The following FXR1 variants were observed in gnomAD, a reference collection of about 807,000 sequenced individuals.
FXR1 encodes FMR1 autosomal homolog 1, also known as RNA-binding protein FXR1.
FXR1 carries 15 observed loss-of-function variants against 84.0 expected under a neutral mutation model. The ratio of observed to expected loss-of-function variants is 0.18; its 90% CI spans 0.12 to 0.27. The LOEUF (loss-of-function observed/expected upper bound fraction) is 0.27, where lower values mean the gene tolerates loss of function less well. Ranked by LOEUF, FXR1 falls within the 10% of genes least tolerant of loss-of-function variation. The pLI, the probability that FXR1 is intolerant of heterozygous loss-of-function variation, is 1.00. For missense variants in FXR1, 480 were observed against 774.4 expected, an observed-to-expected ratio of 0.62 and a Z score of 4.51; for synonymous variants, 245 against 250.7, an observed-to-expected ratio of 0.98 and a Z score of 0.21.
intron 15 of FXR1, chr3:180,971,058 A>G: frequency 8.9e-7 from 1 of 1,128,934 alleles, no homozygotes; most frequent in Non-Finnish European, 1.2e-6. Context: ...AGTTCATGGT[A>G]AACTTTGCAA....
chr3:180,961,384 C>A, intron 10 of FXR1, 84 bp from the exon 11 acceptor site: 1 of 428,746 alleles, frequency 2.3e-6, no homozygotes, highest in South Asian at 2.9e-5. Context: ...TGTGTGTGTG[C>A]CTGCCTGTCA....
intron 1 of FXR1, among the ~76,000 whole-genome samples, chr3:180,931,739 GTTTTT>G (rs5854881): frequency 9.9e-6 from 1 of 101,432 alleles, no homozygotes; most frequent in Non-Finnish European, 1.8e-5. Context: ...GTTGTTGTGG[GTTTTT>G]TTTTTTTTTT....
At chr3:180,939,266 G>GT (rs1234843938) in intron 3 of FXR1, among the ~76,000 whole-genome samples, 6 of 152,110 alleles carry the variant, frequency 3.9e-5, no homozygotes, top group South Asian at 4.1e-4. Flanking sequence ...CGGTGGGGGG[G>GT]TGTGGGTGGT....
intron 1 of FXR1, among the ~76,000 whole-genome samples, chr3:180,925,953 T>G (rs1463846812): frequency 6.6e-6 from 1 of 152,166 alleles, no homozygotes; most frequent in Non-Finnish European, 1.5e-5. Flanking sequence ...AGAGTTAACC[T>G]AGTCAGAGGA....
rs148748584 is a variant in FXR1, at chr3:180,981,376, G to A, written c.*5084G>A. 1.1e-4 allele frequency: 16 copies of A among 151,942 alleles called. No individual in the cohort carries two copies. The East Asian group carries it at 2.3e-3, about 22-fold the overall frequency. The allele number at this position is 151,942 out of a possible 1,614,324, so 9.4% of individuals were successfully genotyped here. On this transcript the variant is annotated 3_prime_UTR_variant, in exon 17 of 17. Transcript: ENST00000357559. ...ATTGGTTTTCCATTTAAATGTTTCC[G>A]TAAGTACTCTCATCATTTGGAAAAT...
chr3:180,948,834 T>C lies in FXR1; in HGVS notation c.513+20T>C, dbSNP rs766623898. 2.9e-6 allele frequency: 3 copies of C among 1,038,066 alleles called. No individual in the cohort carries two copies. The highest frequency in any genetic ancestry group is 4.5e-6 in the Non-Finnish European group (3 of 662,738). 64.3% of individuals were successfully genotyped at this position (1,038,066 alleles called of 1,614,324 possible). A position where few individuals can be genotyped will look rare whatever the true frequency, so the allele number is the denominator to read the frequency against. On this transcript the variant is annotated intron_variant, in intron 6 of 16. Coordinates refer to ENST00000357559, the MANE Select transcript of FXR1 (RefSeq NM_005087.4). ...ATACTGGTAAGATAGTACCATATTA[T>C]AAGGTAGCTTATTAATGGATATTGC...
rs1262568536 is a variant in FXR1 at position 180,979,425 on chromosome 3, C to CA, written c.*3139dup. On this transcript the variant is annotated 3_prime_UTR_variant, in exon 17 of 17. Transcript: ENST00000357559. ...TTGAACTGTGAATCTACTGTTTTGGCAAAAAATCTCAAAGAAAAGGATGTT... is the reference window on the plus strand; with the variant it reads ...TTGAACTGTGAATCTACTGTTTTGGCAAAAAAATCTCAAAGAAAAGGATGTT... 5.3e-5 allele frequency: 8 copies of CA among 151,998 alleles called. No homozygotes were observed. The highest frequency in any genetic ancestry group is 1.4e-4 in the African/African-American group (6 of 41,420). 9.4% of individuals were successfully genotyped at this position (151,998 alleles called of 1,614,324 possible).
chr3:180,949,657 T>TA (rs1722023349), intron 7 of FXR1, among the ~76,000 whole-genome samples: 1 of 152,222 alleles, frequency 6.6e-6, no homozygotes, highest in South Asian at 2.1e-4. Flanking sequence ...GTGCTGGGAT[T>TA]ACAGGCATGA....
rs540762931 is a variant in FXR1, at chr3:180,981,078, G to A, written c.*4786G>A. On this transcript the variant is annotated 3_prime_UTR_variant, in exon 17 of 17. Coordinates refer to ENST00000357559, the MANE Select transcript of FXR1 (RefSeq NM_005087.4). Reference sequence around the variant, plus strand: ...TGCACTCAATGTGAACCTACTACAAGCTTCTGAACTGCAAAACCTTTTTTT... The same window carrying A: ...TGCACTCAATGTGAACCTACTACAAACTTCTGAACTGCAAAACCTTTTTTT... 1.4e-4 allele frequency: 22 copies of A among 151,980 alleles called. No homozygotes were observed. In the Middle Eastern group the frequency reaches 0.01, roughly 70 times the overall value. 9.4% of individuals were successfully genotyped at this position (151,980 alleles called of 1,614,324 possible). A position where few individuals can be genotyped will look rare whatever the true frequency, so the allele number is the denominator to read the frequency against.
At chr3:180,939,832 C>T (rs1720933144) in intron 3 of FXR1, among the ~76,000 whole-genome samples, 1 of 152,192 alleles carries the variant, frequency 6.6e-6, no homozygotes, top group African/African-American at 2.4e-5. Flanking sequence ...GAAAAGGTGA[C>T]TTTGCCCTTA....
At chr3:180,928,466 A>G (rs888408303) in intron 1 of FXR1, among the ~76,000 whole-genome samples, 1 of 148,082 alleles carries the variant, frequency 6.8e-6, no homozygotes, top group African/African-American at 2.5e-5. Flanking sequence ...CACTGTTAAT[A>G]TTTCAATGGG....
intron 1 of FXR1, among the ~76,000 whole-genome samples, chr3:180,926,498 A>AT (rs1198239042): frequency 4.0e-4 from 27 of 68,096 alleles, no homozygotes; most frequent in African/African-American, 2.5e-3. Flanking sequence ...ATATATATAT[A>AT]TATATATATT....
At chr3:180,958,043 A>G (rs1324333356) in intron 10 of FXR1, 115 bp downstream of exon 10, 1 of 459,684 alleles carries the variant, frequency 2.2e-6, no homozygotes. Flanking sequence ...TCTTTTTAAA[A>G]TTATGTTTTT....
At position 180,948,385 on chromosome 3, in the gene FXR1, C is replaced by A; in HGVS notation, c.309C>A (p.Tyr103Ter). 1 of 1,605,482 alleles carries A rather than the reference C, an allele frequency of 6.2e-7. No individual in the cohort carries two copies. The highest frequency in any genetic ancestry group is 1.3e-5 in the African/African-American group (1 of 74,824). The change falls in exon 5 of 17, where the codon TAC (tyrosine) becomes TAA (stop). Residue 103 changes from tyrosine (Y) to a stop codon, truncating the protein, a stop_gained. Transcript: ENST00000357559. LOFTEE classifies it high-confidence loss of function. ...AATATGCTGCTTGTGACGCTACTTA[C>A]AATGAAATAGTCACATTTGAACGAC... ...VIEYAACDAT[Y>*]NEIVTFERLR...
intron 10 of FXR1, among the ~76,000 whole-genome samples, chr3:180,961,060 G>C (rs1402548134): frequency 6.6e-6 from 1 of 152,224 alleles, no homozygotes; most frequent in African/African-American, 2.4e-5. Flanking sequence ...GCTGGGTACA[G>C]TGGCTCACGC....
In FXR1 at chr3:180,951,474, T is replaced by G. The variant is rs779178820; in HGVS notation, c.801+6T>G. On this transcript the variant is annotated splice_donor_region_variant and intron_variant, in intron 8 of 16. Transcript: ENST00000357559. ...CATTCAGAATCTACGGAGAGGTAAGTTCTCTTTCTCCTGCCTTGGCCTTTA... is the reference window on the plus strand; with the variant it reads ...CATTCAGAATCTACGGAGAGGTAAGGTCTCTTTCTCCTGCCTTGGCCTTTA... The G allele has an allele frequency of 6.3e-7, 1 of 1,596,896 alleles. No individual in the cohort carries two copies. Among genetic ancestry groups the G allele is most frequent in the Non-Finnish European group, 8.6e-7 (1 of 1,167,718 alleles).
chr3:180,947,693 T>A (rs1246700236), intron 3 of FXR1, among the ~76,000 whole-genome samples, 172 bp from the exon 4 acceptor site: 1 of 152,252 alleles, frequency 6.6e-6, no homozygotes, highest in Non-Finnish European at 1.5e-5. Flanking sequence ...TATTTTTAAG[T>A]AGTAAATTTA....
At chr3:180,947,343 G>A (rs977209530) in intron 3 of FXR1, among the ~76,000 whole-genome samples, 6 of 152,152 alleles carry the variant, frequency 3.9e-5, no homozygotes, top group South Asian at 2.1e-4. Context: ...CACTGCGTCC[G>A]GCCTGGATAG....
At chr3:180,974,582 C>T (rs1577011837) in intron 15 of FXR1, among the ~76,000 whole-genome samples, 1 of 152,196 alleles carries the variant, frequency 6.6e-6, no homozygotes, top group East Asian at 1.9e-4. Context: ...TCCTAATCCA[C>T]TACTGCCACT....
Sources: gnomAD v4.1 joint callset for allele counts (sites outside exome capture counted in the v4.1 genomes callset) on GRCh38, gnomAD v4.1.1 for gene constraint, MANE v1.5 for transcripts, NCBI Gene and HGNC (gene_info 2026-07-23, HGNC 2026-07-21) for gene names.